Variants in PPP2R2B observed in about 807,000 individuals in gnomAD.
The protein encoded by PPP2R2B is serine/threonine-protein phosphatase 2A 55 kDa regulatory subunit B beta isoform.
Under a neutral mutation model 46.0 loss-of-function variants are expected in PPP2R2B, and 5 were observed. That is an observed-to-expected ratio of 0.11 (90% CI 0.06 to 0.23). PPP2R2B has a LOEUF of 0.23. Among genes scored for constraint, PPP2R2B ranks in the 10% least tolerant of loss-of-function variants. The probability of loss-of-function intolerance (pLI) is 1.00; values close to 1 mark genes in which losing one functional copy is unlikely to be tolerated. For synonymous variants in PPP2R2B, 215 were observed against 206.7 expected (o/e 1.04, Z -0.34); for missense variants, 367 against 575.0 (o/e 0.64, Z 3.70).
intron 1 of PPP2R2B, among the ~76,000 whole-genome samples, chr5:147,045,562 G>A (rs567078803): frequency 6.6e-6 from 1 of 152,226 alleles, no homozygotes; most frequent in Non-Finnish European, 1.5e-5. Flanking sequence ...AGCGATGCAT[G>A]ACTGAGTGCT....
chr5:147,006,671 T>G (rs561852557), intron 1 of PPP2R2B, among the ~76,000 whole-genome samples: 1 of 152,278 alleles, frequency 6.6e-6, no homozygotes, highest in Admixed American at 6.5e-5. Context: ...GGATAGTAAC[T>G]ACAATCCCAA....
At chr5:146,609,358 T>G in intron 7 of PPP2R2B, among the ~76,000 whole-genome samples, 1 of 152,082 alleles carries the variant, frequency 6.6e-6, no homozygotes, top group East Asian at 1.9e-4. Context: ...GATAGAGCAA[T>G]CAGACAAAGG....
intron 5 of PPP2R2B, among the ~76,000 whole-genome samples, chr5:146,674,532 C>T (rs769006136): frequency 4.6e-5 from 7 of 152,168 alleles, no homozygotes; most frequent in Non-Finnish European, 7.3e-5. Flanking sequence ...TGTCTTGATG[C>T]ACTTTTTGGG....
At chr5:146,977,039 C>T (rs1244511283) in intron 1 of PPP2R2B, among the ~76,000 whole-genome samples, 1 of 113,308 alleles carries the variant, frequency 8.8e-6, no homozygotes. Flanking sequence ...CCAACAAATC[C>T]CAAACAAAAC....
chr5:146,936,069 A>T (rs1419053942), intron 1 of PPP2R2B, among the ~76,000 whole-genome samples: 1 of 152,182 alleles, frequency 6.6e-6, no homozygotes, highest in Non-Finnish European at 1.5e-5. Context: ...CTACAGTCAA[A>T]TAGAATGGCA....
intron 1 of PPP2R2B, among the ~76,000 whole-genome samples, chr5:147,045,258 A>T (rs1756493322): frequency 6.6e-6 from 1 of 152,184 alleles, no homozygotes. Flanking sequence ...TTGGTCAATA[A>T]TCAACCACAT....
At chr5:146,671,908 A>G (rs2151122415) in intron 5 of PPP2R2B, among the ~76,000 whole-genome samples, 1 of 152,206 alleles carries the variant, frequency 6.6e-6, no homozygotes, top group African/African-American at 2.4e-5. Flanking sequence ...GGACTCGGGG[A>G]CAGGTACAGA....
At chr5:146,979,286 C>T (rs892569366) in intron 1 of PPP2R2B, among the ~76,000 whole-genome samples, 5 of 152,084 alleles carry the variant, frequency 3.3e-5, no homozygotes, top group Non-Finnish European at 7.4e-5. Flanking sequence ...TATTGCTTCT[C>T]TGTCTCAATA....
At chr5:147,079,856 A>G (rs1757924270) in intron 2 of PPP2R2B, among the ~76,000 whole-genome samples, 2 of 152,262 alleles carry the variant, frequency 1.3e-5, no homozygotes, top group African/African-American at 4.8e-5. Context: ...ACCACAAATA[A>G]ATGATAAATA....
Position 146,954,799 on chromosome 5 carries a change from G to C in PPP2R2B, c.79+100866C>G, listed in dbSNP as rs191651513. ...GTGTGTGTGTGTGTGTTGAGTTGAG[G>C]GTATAGTGGCAATGATACTACTGAG... On this transcript the variant is annotated intron_variant, in intron 1 of 8. Coordinates refer to the PPP2R2B transcript ENST00000336640. Among the ~76,000 whole-genome samples, 18 of 148,902 alleles carry C rather than the reference G, an allele frequency of 1.2e-4. 1 individual carries two copies. The highest frequency in any genetic ancestry group is 3.3e-4 in the Admixed American group (5 of 14,952).
intron 2 of PPP2R2B, chr5:146,707,030 G>T: frequency 9.3e-7 from 1 of 1,071,292 alleles, no homozygotes; most frequent in Non-Finnish European, 1.4e-6. Context: ...TTCTTGATGA[G>T]GACAAATTCA....
chr5:146,822,882 T>A (rs1758354414), intron 2 of PPP2R2B, among the ~76,000 whole-genome samples: 1 of 152,334 alleles, frequency 6.6e-6, no homozygotes, highest in South Asian at 2.1e-4. Flanking sequence ...TAGATTTATA[T>A]AACCTCCTTA....
At chr5:147,004,239 A>T (rs1754323272) in intron 1 of PPP2R2B, among the ~76,000 whole-genome samples, 1 of 151,168 alleles carries the variant, frequency 6.6e-6, no homozygotes, top group Admixed American at 6.6e-5. Flanking sequence ...CCCCTCATCC[A>T]TGTCTGCTAT....
chr5:146,992,432 C>T (rs1753734591), intron 1 of PPP2R2B, among the ~76,000 whole-genome samples: 1 of 152,232 alleles, frequency 6.6e-6, no homozygotes, highest in African/African-American at 2.4e-5. Flanking sequence ...CATTGTCATT[C>T]ATACCTCTTT....
At chr5:146,686,901 C>T (rs979731728) in intron 5 of PPP2R2B, among the ~76,000 whole-genome samples, 8 of 151,846 alleles carry the variant, frequency 5.3e-5, no homozygotes, top group East Asian at 1.9e-4. Flanking sequence ...TCCTGGGCAG[C>T]GGGAGGTTGG....
intron 6 of PPP2R2B, among the ~76,000 whole-genome samples, chr5:146,647,046 C>T (rs1437824263): frequency 6.6e-6 from 1 of 152,102 alleles, no homozygotes; most frequent in Non-Finnish European, 1.5e-5. Flanking sequence ...AACCGTAATG[C>T]CAAAGTCACA....
intron 2 of PPP2R2B, among the ~76,000 whole-genome samples, chr5:146,853,890 TG>T (rs1760493739): frequency 6.6e-6 from 1 of 152,088 alleles, no homozygotes; most frequent in Admixed American, 6.6e-5. Context: ...TTTAGCCATC[TG>T]CTTCCTCATG....
intron 1 of PPP2R2B, among the ~76,000 whole-genome samples, chr5:146,972,427 G>T (rs1752700658): frequency 6.6e-6 from 1 of 152,060 alleles, no homozygotes; most frequent in South Asian, 2.1e-4. Flanking sequence ...AGAGGGAGAT[G>T]TTGGCTGGGC....
Position 146,589,608 on chromosome 5 carries a change from C to A in PPP2R2B, c.*339G>T. The stretch of plus-strand genomic sequence containing the variant: ...CTCTTTTCTCCTTAAATACTACAGA[C>A]AACCTCATTTTATCGCAGCAGACAC... On this transcript the variant is annotated 3_prime_UTR_variant, in exon 10 of 10. Transcript: ENST00000394411. The A allele has an allele frequency of 4.6e-6, 1 of 215,154 alleles. No homozygotes were observed. The highest frequency in any genetic ancestry group is 9.2e-6 in the Non-Finnish European group (1 of 108,352). The allele number at this position is 215,154 out of a possible 1,614,324, so 13.3% of individuals were successfully genotyped here. A position where few individuals can be genotyped will look rare whatever the true frequency, so the allele number is the denominator to read the frequency against.
Sources: allele counts gnomAD v4.1 joint callset (sites outside exome capture counted in the v4.1 genomes callset), GRCh38; gene constraint gnomAD v4.1.1; transcripts MANE v1.5; gene names NCBI Gene and HGNC (gene_info 2026-07-23, HGNC 2026-07-21).